Variants in CREB3L2 observed in about 807,000 individuals in gnomAD.
CREB3L2 encodes the protein cAMP responsive element binding protein 3 like 2.
CREB3L2 carries 23 observed loss-of-function variants against 57.2 expected under a neutral mutation model. The ratio of observed to expected loss-of-function variants is 0.40; its 90% CI spans 0.29 to 0.57. The LOEUF (loss-of-function observed/expected upper bound fraction) is 0.57. CREB3L2 is among the 20% of genes least tolerant of loss of function. CREB3L2 has a pLI of 0.42. For synonymous variants in CREB3L2, 268 were observed against 265.1 expected (o/e 1.01, Z -0.11); for missense variants, 628 against 634.7 (o/e 0.99, Z 0.11).
rs553275428 is a variant in CREB3L2 at position 137,959,204 on chromosome 7, G to A, written c.103-30838C>T. Among the ~76,000 whole-genome samples, 7 of 152,270 alleles carry A rather than the reference G, an allele frequency of 4.6e-5. No homozygotes were observed. In the South Asian group the frequency reaches 1.2e-3, roughly 27 times the overall value. ...CTCTTTGATTCTGCAATGGCATTTC[G>A]AGTTGCTTTGGCCAACACAATGAAG... On this transcript the variant is annotated intron_variant, in intron 1 of 11. Transcript: ENST00000330387.
chr7:137,917,377 G>C (rs2117222120), intron 2 of CREB3L2, among the ~76,000 whole-genome samples: 1 of 152,330 alleles, frequency 6.6e-6, no homozygotes, highest in Middle Eastern at 3.4e-3. Flanking sequence ...CACAGAACAA[G>C]ACAAAGCAAG....
In CREB3L2 at chr7:137,876,331, CGTGTGTGTGTGTGTGTGT is replaced by C. The variant is rs10534110; in HGVS notation, c.*4127_*4144del. 61 of 223,274 alleles carry C rather than the reference CGTGTGTGTGTGTGTGTGT, an allele frequency of 2.7e-4. No homozygotes were observed. Among genetic ancestry groups the C allele is most frequent in the African/African-American group, 9.2e-4 (40 of 43,634 alleles). The allele number at this position is 223,274 out of a possible 1,614,324, so 13.8% of individuals were successfully genotyped here. Reference sequence around the variant, plus strand: ...TGAGCATGTAAGGGAGGAATGTGCACGTGTGTGTGTGTGTGTGTGTGTGTGTGTGTGTGTGTGTCAGAG... The same window carrying C: ...TGAGCATGTAAGGGAGGAATGTGCACGTGTGTGTGTGTGTGTGTGTCAGAG... On this transcript the variant is annotated 3_prime_UTR_variant, in exon 12 of 12. Transcript: ENST00000330387.
intron 1 of CREB3L2, among the ~76,000 whole-genome samples, chr7:137,944,989 C>A (rs1251844621): frequency 6.6e-6 from 1 of 152,098 alleles, no homozygotes; most frequent in African/African-American, 2.4e-5. Flanking sequence ...GTCTCTCGGG[C>A]TCAAGCGATT....
intron 1 of CREB3L2, among the ~76,000 whole-genome samples, chr7:137,971,851 T>C (rs1229444631): frequency 1.3e-5 from 2 of 151,732 alleles, no homozygotes; most frequent in African/African-American, 4.8e-5. Context: ...ATACACTCAA[T>C]GAACAATACA....
chr7:137,994,431 A>G (rs568698600), intron 1 of CREB3L2, among the ~76,000 whole-genome samples: 1 of 152,344 alleles, frequency 6.6e-6, no homozygotes, highest in Admixed American at 6.5e-5. Flanking sequence ...GCATGATTAC[A>G]GGCTCAGCTA....
At chr7:137,890,093 T>C (rs974941835) in intron 8 of CREB3L2, among the ~76,000 whole-genome samples, 6 of 152,208 alleles carry the variant, frequency 3.9e-5, no homozygotes, top group African/African-American at 7.2e-5. Flanking sequence ...AACTGAGATA[T>C]GTCCACCATT....
At chr7:137,993,892 C>A (rs960350470) in intron 1 of CREB3L2, among the ~76,000 whole-genome samples, 1 of 152,206 alleles carries the variant, frequency 6.6e-6, no homozygotes, top group African/African-American at 2.4e-5. Flanking sequence ...TGCTCTATGT[C>A]TTACATTCCC....
intron 1 of CREB3L2, among the ~76,000 whole-genome samples, chr7:137,930,292 T>C (rs1344126737): frequency 6.6e-6 from 1 of 152,214 alleles, no homozygotes; most frequent in East Asian, 1.9e-4. Context: ...GGTGTCATCC[T>C]TACTGATTAA....
intron 2 of CREB3L2, among the ~76,000 whole-genome samples, chr7:137,924,097 C>T (rs769125260): frequency 7.9e-5 from 12 of 152,188 alleles, no homozygotes; most frequent in Non-Finnish European, 1.6e-4. Context: ...AACCAGCCTA[C>T]CCAGCCATCC....
At chr7:137,960,832 AGACAGAG>A (rs1801308249) in intron 1 of CREB3L2, among the ~76,000 whole-genome samples, 1 of 8,858 alleles carries the variant, frequency 1.1e-4, no homozygotes, top group Non-Finnish European at 2.2e-4. Flanking sequence ...TTTTTTTTTG[AGACAGAG>A]TTTCACTCTT....
intron 1 of CREB3L2, among the ~76,000 whole-genome samples, chr7:137,972,709 A>AAAAAAAC (rs1801532883): frequency 2.5e-5 from 1 of 39,750 alleles, no homozygotes; most frequent in African/African-American, 1.4e-4. Flanking sequence ...AAAAAAAAAA[A>AAAAAAAC]AAAATATATA....
intron 1 of CREB3L2, chr7:137,956,727 C>A (rs933020277): frequency 5.5e-5 from 56 of 1,012,128 alleles, no homozygotes; most frequent in Non-Finnish European, 6.9e-5. Flanking sequence ...GTTCTGAATT[C>A]TTTGAGTTGG....
chr7:137,957,166 A>C (rs1468147576), intron 1 of CREB3L2, among the ~76,000 whole-genome samples: 1 of 151,848 alleles, frequency 6.6e-6, no homozygotes, highest in African/African-American at 2.4e-5. Context: ...AGGTTCCTAC[A>C]GCCTGGAATT....
Position 137,876,736 on chromosome 7 carries a change from A to G in CREB3L2, c.*3740T>C, listed in dbSNP as rs985142997. 8.6e-6 allele frequency: 2 copies of G among 231,938 alleles called. No homozygotes were observed. The highest frequency in any genetic ancestry group is 1.7e-5 in the Non-Finnish European group (2 of 117,378). 14.4% of individuals were successfully genotyped at this position (231,938 alleles called of 1,614,324 possible). On this transcript the variant is annotated 3_prime_UTR_variant, in exon 12 of 12. Coordinates refer to ENST00000330387, the MANE Select transcript of CREB3L2 (RefSeq NM_194071.4). ...CTTCACAGGTCCAGCCAGCCCAGCA[A>G]GCAGAAGTGCTGGTGTCTTTAACCC...
At chr7:137,994,232 G>C (rs1032125734) in intron 1 of CREB3L2, among the ~76,000 whole-genome samples, 1 of 152,204 alleles carries the variant, frequency 6.6e-6, no homozygotes, top group Admixed American at 6.5e-5. Context: ...CCCCAAGAGA[G>C]TCACCAGACA....
intron 1 of CREB3L2, among the ~76,000 whole-genome samples, chr7:137,972,038 T>C (rs1322828896): frequency 1.3e-5 from 2 of 152,192 alleles, no homozygotes; most frequent in East Asian, 3.9e-4. Context: ...TTAATAGCTA[T>C]GTAAAAGAAG....
intron 1 of CREB3L2, among the ~76,000 whole-genome samples, chr7:137,949,203 G>A (rs1743908471): frequency 1.3e-5 from 2 of 152,146 alleles, no homozygotes; most frequent in South Asian, 2.1e-4. Flanking sequence ...CCTGGAGTTC[G>A]GCATTCAAAC....
chr7:137,915,711 T>G (rs1390325557), intron 3 of CREB3L2, 126 bp downstream of exon 3: 14 of 725,550 alleles, frequency 1.9e-5, no homozygotes, highest in Non-Finnish European at 2.5e-5. Context: ...TACACACATA[T>G]GAAGTTGCAT....
At chr7:137,994,762 T>C (rs1362423777) in intron 1 of CREB3L2, among the ~76,000 whole-genome samples, 5 of 152,118 alleles carry the variant, frequency 3.3e-5, no homozygotes, top group African/African-American at 1.2e-4. Context: ...CTAGGCAACA[T>C]AAGGAGACCC....
Sources: gnomAD v4.1 joint callset for allele counts (sites outside exome capture counted in the v4.1 genomes callset) on GRCh38, gnomAD v4.1.1 for gene constraint, MANE v1.5 for transcripts, NCBI Gene and HGNC (gene_info 2026-07-23, HGNC 2026-07-21) for gene names.